Variants in ALCAM observed in about 807,000 individuals in gnomAD.
The protein encoded by ALCAM is activated leukocyte cell adhesion molecule.
In ALCAM, 30 loss-of-function variants were observed where a neutral mutation model predicts 70.9. The ratio of observed to expected loss-of-function variants is 0.42; its 90% CI spans 0.32 to 0.57. ALCAM has a LOEUF of 0.57. Among genes scored for constraint, ALCAM ranks in the 20% least tolerant of loss-of-function variants. ALCAM has a pLI of 0.11. For missense variants in ALCAM, 591 were observed against 695.1 expected, an observed-to-expected ratio of 0.85 and a Z score of 1.68; for synonymous variants, 249 against 242.5, an observed-to-expected ratio of 1.03 and a Z score of -0.25.
chr3:105,534,566 G>A, intron 5 of ALCAM, 97 bp from the exon 6 acceptor site: 1 of 1,223,278 alleles, frequency 8.2e-7, no homozygotes. Flanking sequence ...ACAGTTAGAA[G>A]GAAAAAAAAC....
intron 2 of ALCAM, among the ~76,000 whole-genome samples, chr3:105,523,871 A>C (rs1482742750): frequency 4.6e-5 from 7 of 152,212 alleles, no homozygotes; most frequent in Non-Finnish European, 1.5e-5. Context: ...AAAATAAAGA[A>C]TATTCCAAAG....
intron 13 of ALCAM, 22 bp downstream of exon 13, chr3:105,552,204 C>G: frequency 6.3e-7 from 1 of 1,582,572 alleles, no homozygotes. Flanking sequence ...GCTGCCGACT[C>G]TTCTTCCTTG....
intron 8 of ALCAM, among the ~76,000 whole-genome samples, chr3:105,543,841 CT>C (rs758685384): frequency 1.8e-4 from 28 of 151,690 alleles, no homozygotes; most frequent in Non-Finnish European, 3.7e-4. Context: ...GGAAACTCCA[CT>C]TTTCTACATG....
chr3:105,450,303 A>G (rs993648483), intron 1 of ALCAM, among the ~76,000 whole-genome samples: 2 of 152,124 alleles, frequency 1.3e-5, no homozygotes, highest in African/African-American at 4.8e-5. Context: ...GATACTCCGG[A>G]TAATTCCTCA....
At chr3:105,401,539 A>G (rs1365220735) in intron 1 of ALCAM, among the ~76,000 whole-genome samples, 1 of 152,184 alleles carries the variant, frequency 6.6e-6, no homozygotes, top group East Asian at 1.9e-4. Flanking sequence ...AAGTGTTTAT[A>G]TGTTATCAGC....
At chr3:105,376,040 C>T (rs1281434154) in intron 1 of ALCAM, among the ~76,000 whole-genome samples, 1 of 152,084 alleles carries the variant, frequency 6.6e-6, no homozygotes, top group Non-Finnish European at 1.5e-5. Context: ...CCTTAACTCT[C>T]TCCAGAGTTA....
chr3:105,401,366 G>A (rs771235633), intron 1 of ALCAM, among the ~76,000 whole-genome samples: 27 of 152,316 alleles, frequency 1.8e-4, no homozygotes, highest in Middle Eastern at 3.4e-3. Context: ...TTCCTTAGGG[G>A]CTGAGACACA....
intron 1 of ALCAM, among the ~76,000 whole-genome samples, chr3:105,475,624 A>T (rs7431148): frequency 0.27 from 41,101 of 151,860 alleles, 6,029 homozygotes; most frequent in Admixed American, 0.46. Context: ...ATCAAATGTA[A>T]CTACTTTATA....
chr3:105,572,008 G>A (rs774282532), intron 15 of ALCAM, 44 bp downstream of exon 15: 60 of 1,113,092 alleles, frequency 5.4e-5, no homozygotes, highest in Non-Finnish European at 7.6e-5. Flanking sequence ...TCCCTAGCAA[G>A]TAGGAAACAT....
intron 1 of ALCAM, among the ~76,000 whole-genome samples, chr3:105,454,655 T>C (rs993363951): frequency 1.1e-4 from 2 of 18,898 alleles, no homozygotes; most frequent in African/African-American, 3.2e-4. Flanking sequence ...GCTCATTAAT[T>C]TTTTTTTTTT....
At chr3:105,552,668 C>A in intron 14 of ALCAM, 83 bp downstream of exon 14, 2 of 1,598,040 alleles carry the variant, frequency 1.3e-6, no homozygotes, top group South Asian at 2.2e-5. Flanking sequence ...TCACTCCAGT[C>A]GTGCATATAA....
chr3:105,494,425 TTTCCTTCCTTCC>T (rs147247427), intron 1 of ALCAM, among the ~76,000 whole-genome samples: 1 of 151,798 alleles, frequency 6.6e-6, no homozygotes, highest in South Asian at 2.1e-4. Context: ...GCCTTCCTTC[TTTCCTTCCTTCC>T]TTCCTTCCTT....
chr3:105,551,133 A>C (rs1940394129), intron 12 of ALCAM, among the ~76,000 whole-genome samples: 1 of 151,640 alleles, frequency 6.6e-6, no homozygotes, highest in Non-Finnish European at 1.5e-5. Context: ...CTAGGAGAAA[A>C]TAATCATCAA....
chr3:105,550,052 C>T, intron 11 of ALCAM, 75 bp from the exon 12 acceptor site: 12 of 1,378,836 alleles, frequency 8.7e-6, no homozygotes, highest in Middle Eastern at 2.4e-4. Context: ...TATCCTATTA[C>T]AGTCATCATT....
intron 1 of ALCAM, among the ~76,000 whole-genome samples, chr3:105,447,732 G>A (rs1937333317): frequency 1.3e-5 from 2 of 152,172 alleles, no homozygotes; most frequent in African/African-American, 4.8e-5. Flanking sequence ...GGTGCGGGAA[G>A]ATAAGTTTGT....
chr3:105,438,046 C>T (rs974043301), intron 1 of ALCAM, among the ~76,000 whole-genome samples: 1 of 152,022 alleles, frequency 6.6e-6, no homozygotes, highest in African/African-American at 2.4e-5. Context: ...AGAATTTTCC[C>T]TCTGCTGCCC....
At chr3:105,408,219 G>T (rs2399045) in intron 1 of ALCAM, among the ~76,000 whole-genome samples, 104,267 of 151,436 alleles carry the variant, frequency 0.69, 36,160 homozygotes, top group East Asian at 0.92. Flanking sequence ...AAACTTAAAA[G>T]TCATATGAAA....
chr3:105,526,880 C>T (rs543547531), intron 3 of ALCAM, among the ~76,000 whole-genome samples: 25 of 152,276 alleles, frequency 1.6e-4, no homozygotes, highest in Non-Finnish European at 2.5e-4. Flanking sequence ...CACTTAGCAA[C>T]GTGCACCGTG....
At chr3:105,562,223 A>C (rs1940643265) in intron 14 of ALCAM, among the ~76,000 whole-genome samples, 1 of 152,246 alleles carries the variant, frequency 6.6e-6, no homozygotes, top group Non-Finnish European at 1.5e-5. Context: ...AACTGTTTAG[A>C]TGTTGCCTCC....
Sources: gnomAD v4.1 joint callset for allele counts (sites outside exome capture counted in the v4.1 genomes callset) on GRCh38, gnomAD v4.1.1 for gene constraint, MANE v1.5 for transcripts, NCBI Gene and HGNC (gene_info 2026-07-23, HGNC 2026-07-21) for gene names.